Variants in CPS1 observed in about 807,000 individuals in gnomAD.
CPS1 encodes carbamoyl-phosphate synthase [ammonia], mitochondrial.
A neutral mutation model predicts 174.6 loss-of-function variants in CPS1; 109 were observed. The ratio of observed to expected loss-of-function variants is 0.62; its 90% CI spans 0.53 to 0.73. The LOEUF (loss-of-function observed/expected upper bound fraction) is 0.73. Ranked by LOEUF, CPS1 falls within the 30% of genes least tolerant of loss-of-function variation. The probability of loss-of-function intolerance (pLI) is 0.00; values close to 1 mark genes in which losing one functional copy is unlikely to be tolerated. For synonymous variants in CPS1, 637 were observed against 632.0 expected (o/e 1.01, Z -0.12); for missense variants, 1,689 against 1,821.9 (o/e 0.93, Z 1.33).
Position 210,576,612 on chromosome 2 carries a change from G to A in CPS1, c.381+122G>A, listed in dbSNP as rs1697721372. On this transcript the variant is annotated intron_variant, in intron 3 of 37. Coordinates refer to ENST00000233072, the MANE Select transcript of CPS1 (RefSeq NM_001875.5). ...CGGTAGTACAAATCATTAAGCTCAT[G>A]TATTCAATCTTATTCCTAGGTACAT... is the stretch of plus-strand genomic sequence containing the variant. The A allele has an allele frequency of 4.8e-6, 5 of 1,048,484 alleles. No homozygotes were observed. In the Admixed American group the frequency reaches 8.6e-5, roughly 18 times the overall value. 64.9% of individuals were successfully genotyped at this position (1,048,484 alleles called of 1,614,324 possible).
rs1553512962 is a variant in CPS1 at position 210,605,129 on chromosome 2, G to A, written c.1864G>A (p.Val622Met). 1.2e-6 allele frequency: 2 copies of A among 1,612,022 alleles called. No homozygotes were observed. The highest frequency in any genetic ancestry group is 8.5e-7 in the Non-Finnish European group (1 of 1,178,702). Reference sequence around the variant, plus strand: ...CTTTGCTATGACCAACCAAATTCTGGTGGAGAAGTCAGTGACAGGTTGGAA... The same window carrying A: ...CTTTGCTATGACCAACCAAATTCTGATGGAGAAGTCAGTGACAGGTTGGAA... ...KAFAMTNQIL[V>M]EKSVTGWKEI... The change falls in exon 17 of 38, where the codon GTG becomes ATG. Residue 622 changes from valine to methionine, a missense_variant. Physicochemically the swap from Val to Met is conservative, Grantham distance 21. Coordinates refer to ENST00000233072, the MANE Select transcript of CPS1 (RefSeq NM_001875.5).
intron 1 of CPS1, among the ~76,000 whole-genome samples, chr2:210,533,482 C>T (rs374007620): frequency 8.5e-5 from 13 of 152,110 alleles, no homozygotes; most frequent in Admixed American, 3.3e-4. Flanking sequence ...GGTAATTAGG[C>T]AATTTTCCCA....
At chr2:210,566,466 G>A (rs756686884) in intron 1 of CPS1, among the ~76,000 whole-genome samples, 8 of 152,280 alleles carry the variant, frequency 5.3e-5, no homozygotes, top group Non-Finnish European at 7.3e-5. Context: ...CAGATTTATA[G>A]ATAGGTAGTT....
chr2:210,660,433 T>C (rs1559132884), intron 31 of CPS1, 52 bp from the exon 32 acceptor site: 4 of 1,540,968 alleles, frequency 2.6e-6, no homozygotes, highest in Non-Finnish European at 3.6e-6. Flanking sequence ...ATTAATATTG[T>C]TGTTACTGGC....
Position 210,590,221 on chromosome 2 carries a change from A to C in CPS1, c.827A>C (p.Gln276Pro). 1 of 1,612,712 alleles carries C rather than the reference A, an allele frequency of 6.2e-7. No homozygotes were observed. The highest frequency in any genetic ancestry group is 8.5e-7 in the Non-Finnish European group (1 of 1,179,052). The change falls in exon 8 of 38, where the codon CAG (glutamine) becomes CCG (proline). Residue 276 changes from glutamine to proline, a missense_variant. Transcript: ENST00000233072. Reference sequence around the variant, plus strand: ...CCAGCTCTTGCAGAACCACTAATTCAGAATGTCAGAAAGGTGCAATGAACC... The same window carrying C: ...CCAGCTCTTGCAGAACCACTAATTCCGAATGTCAGAAAGGTGCAATGAACC... Reference protein sequence around the residue: ...GNPALAEPLIQNVRKILESDR... With the variant: ...GNPALAEPLIPNVRKILESDR...
chr2:210,612,494 A>G lies in CPS1; in HGVS notation c.2568+201A>G, dbSNP rs73073595. 0.025 allele frequency among the ~76,000 whole-genome samples: 3,813 copies of G among 152,046 alleles called. 158 individuals carry two copies. The highest frequency in any genetic ancestry group is 0.084 in the African/African-American group (3,475 of 41,530). ...CAATTAATGATAAATTATCATTTTTATTTGACTTTAAGCCTGGATTTAAGG... is the reference window on the plus strand; with the variant it reads ...CAATTAATGATAAATTATCATTTTTGTTTGACTTTAAGCCTGGATTTAAGG... On this transcript the variant is annotated intron_variant, in intron 20 of 37. Transcript: ENST00000233072.
At chr2:210,486,178 G>T (rs1018141442) in intron 1 of CPS1, among the ~76,000 whole-genome samples, 1 of 144,970 alleles carries the variant, frequency 6.9e-6, no homozygotes, top group Non-Finnish European at 1.5e-5. Flanking sequence ...TATATATATG[G>T]TAATGTGTTT....
intron 1 of CPS1, among the ~76,000 whole-genome samples, chr2:210,497,087 G>T (rs1695008925): frequency 6.6e-6 from 1 of 151,950 alleles, no homozygotes; most frequent in African/African-American, 2.4e-5. Flanking sequence ...TCTAATTAAG[G>T]GGTATCTTCT....
intron 1 of CPS1, chr2:210,519,802 C>T (rs868484318): frequency 1.5e-5 from 15 of 984,580 alleles, no homozygotes; most frequent in South Asian, 4.7e-5. Context: ...GCTTTGTTGG[C>T]GGGGAGGGCA....
intron 1 of CPS1, among the ~76,000 whole-genome samples, chr2:210,502,957 C>G (rs2105964905): frequency 6.6e-6 from 1 of 152,260 alleles, no homozygotes; most frequent in Admixed American, 6.5e-5. Context: ...TTGTCATAGA[C>G]ATTCTGATTC....
rs759823112 is a variant in CPS1 at position 210,656,643 on chromosome 2, A to G, written c.3666+11A>G. 3 of 1,601,100 alleles carry G rather than the reference A, an allele frequency of 1.9e-6. No homozygotes were observed. Among genetic ancestry groups the G allele is most frequent in the African/African-American group, 2.7e-5 (2 of 74,330 alleles). On this transcript the variant is annotated intron_variant, in intron 30 of 37. Coordinates refer to ENST00000233072, the MANE Select transcript of CPS1 (RefSeq NM_001875.5). ...GGGGCCATTGAAAAGGTCATCATTT[A>G]TAAATAAAAGTGGAAGGGAAAAGGC...
chr2:210,566,354 A>G (rs1697302460), intron 1 of CPS1, among the ~76,000 whole-genome samples: 1 of 152,136 alleles, frequency 6.6e-6, no homozygotes, highest in Non-Finnish European at 1.5e-5. Context: ...TGAGAACTCA[A>G]GGGCCTAGGA....
intron 1 of CPS1, among the ~76,000 whole-genome samples, chr2:210,529,675 G>A (rs2664236): frequency 0.43 from 64,479 of 151,714 alleles, 13,943 homozygotes; most frequent in Middle Eastern, 0.53. Context: ...ACTTCCACCA[G>A]AAGTAAGACA....
intron 25 of CPS1, among the ~76,000 whole-genome samples, chr2:210,645,514 G>T (rs1700351394): frequency 6.6e-6 from 1 of 152,150 alleles, no homozygotes; most frequent in South Asian, 2.1e-4. Context: ...TTGAGTTCAG[G>T]CCGGGGATGG....
In CPS1 at chr2:210,519,722, CA is replaced by C. The variant is rs1419624368; in HGVS notation, c.4-36993del. ...GACAAACCCAATTGAAACTTTAGTT[CA>C]AAAGCATCCAGTATGAGGGAGCAGT... On this transcript the variant is annotated intron_variant, in intron 1 of 38. Transcript: ENST00000430249. 6 of 984,786 alleles carry C rather than the reference CA, an allele frequency of 6.1e-6. No individual in the cohort carries two copies. The Admixed American group carries it at 3.7e-4, about 61-fold the overall frequency. 61.0% of individuals were successfully genotyped at this position (984,786 alleles called of 1,614,324 possible).
chr2:210,540,610 T>C (rs2106012375), intron 1 of CPS1, among the ~76,000 whole-genome samples: 1 of 152,312 alleles, frequency 6.6e-6, no homozygotes, highest in East Asian at 1.9e-4. Flanking sequence ...CGTAACTTAT[T>C]CTGTTTAAAT....
intron 9 of CPS1, among the ~76,000 whole-genome samples, chr2:210,591,139 T>C (rs1698283302): frequency 6.6e-6 from 1 of 151,950 alleles, no homozygotes. Context: ...GATACCACTT[T>C]TGTTGCATTT....
chr2:210,487,713 A>AT (rs113007745), intron 1 of CPS1, among the ~76,000 whole-genome samples: 37,064 of 151,532 alleles, frequency 0.24, 4,672 homozygotes, highest in Middle Eastern at 0.4. Flanking sequence ...GCGAAATCTG[A>AT]TTCTTATTTT....
intron 33 of CPS1, 88 bp from the exon 34 acceptor site, chr2:210,668,098 G>GTGTC (rs1464509443): frequency 2.6e-6 from 2 of 768,476 alleles, no homozygotes; most frequent in African/African-American, 3.5e-5. Context: ...GTGTGTGTGT[G>GTGTC]TGTGTGTATT....
Sources: allele counts gnomAD v4.1 joint callset (sites outside exome capture counted in the v4.1 genomes callset), GRCh38; gene constraint gnomAD v4.1.1; transcripts MANE v1.5; gene names NCBI Gene and HGNC (gene_info 2026-07-23, HGNC 2026-07-21).